CDH4: variants seen among roughly 807,000 people sequenced by gnomAD.
The protein encoded by CDH4 is cadherin 4.
A neutral mutation model predicts 86.0 loss-of-function variants in CDH4; 33 were observed. The observed-to-expected ratio is 0.38, with a 90% confidence interval of 0.29 to 0.51. CDH4 has a LOEUF of 0.51. Ranked by LOEUF, CDH4 falls within the 20% of genes least tolerant of loss-of-function variation. CDH4 has a pLI of 0.86. For missense variants in CDH4, 1,114 were observed against 1,307.4 expected, an observed-to-expected ratio of 0.85 and a Z score of 2.28; for synonymous variants, 555 against 549.4, an observed-to-expected ratio of 1.01 and a Z score of -0.14.
intron 4 of CDH4, among the ~76,000 whole-genome samples, chr20:61,802,658 C>T (rs997629427): frequency 6.6e-6 from 1 of 152,206 alleles, no homozygotes; most frequent in African/African-American, 2.4e-5. Flanking sequence ...TGCAGAATGG[C>T]TGCAAAGGAA....
At chr20:61,547,213 TTTTTTTTTTTG>T (rs1330043830) in intron 2 of CDH4, among the ~76,000 whole-genome samples, 5 of 91,106 alleles carry the variant, frequency 5.5e-5, no homozygotes, top group African/African-American at 1.6e-4. Context: ...TTTTTTTTTT[TTTTTTTTTTTG>T]CCCCCTGAGA....
At chr20:61,300,982 AC>A (rs1284531826) in intron 2 of CDH4, among the ~76,000 whole-genome samples, 2 of 152,050 alleles carry the variant, frequency 1.3e-5, no homozygotes, top group African/African-American at 4.8e-5. Flanking sequence ...CCACCTCCTC[AC>A]ATGAGCTGCT....
Position 61,517,972 on chromosome 20 carries a change from G to A in CDH4, c.170-225591G>A, listed in dbSNP as rs560701655. Among the ~76,000 whole-genome samples, 20 of 151,860 alleles carry A rather than the reference G, an allele frequency of 1.3e-4. No homozygotes were observed. The highest frequency in any genetic ancestry group is 6.3e-4 in the South Asian group (3 of 4,752). On this transcript the variant is annotated intron_variant, in intron 2 of 15. Coordinates refer to ENST00000614565, the MANE Select transcript of CDH4 (RefSeq NM_001794.5). This position sits in a 1 kb window ranked among gnomAD's most constrained non-coding sequence, Gnocchi z 6.6. ...CTGATTGCCCCTGGATGGGCCTCTC[G>A]TGTGGGGCTGGGGCAGGAGCTGCCT... is the stretch of plus-strand genomic sequence containing the variant.
intron 2 of CDH4, among the ~76,000 whole-genome samples, chr20:61,365,824 A>G (rs2084808463): frequency 6.6e-6 from 1 of 152,196 alleles, no homozygotes; most frequent in African/African-American, 2.4e-5. Flanking sequence ...AACAATCAAT[A>G]GGATTTGCAG....
intron 2 of CDH4, among the ~76,000 whole-genome samples, chr20:61,300,190 A>G (rs1372849091): frequency 1.3e-5 from 2 of 152,134 alleles, no homozygotes; most frequent in Non-Finnish European, 2.9e-5. Context: ...GGGGAGAGGC[A>G]GGTGTGCCAC....
intron 2 of CDH4, among the ~76,000 whole-genome samples, chr20:61,527,776 C>T (rs117646405): frequency 0.019 from 2,913 of 152,144 alleles, 49 homozygotes; most frequent in Middle Eastern, 0.031. Flanking sequence ...CTGGTTTCCT[C>T]CCCTTCCAGA....
In CDH4 at chr20:61,516,571, C is replaced by T. The variant is rs1299199982; in HGVS notation, c.170-226992C>T. ...GCCTCAGACCTGCCCCCCTGAGTCA[C>T]AGCATCACAGAAAACAGTTTACAAG... On this transcript the variant is annotated intron_variant, in intron 2 of 15. Coordinates refer to ENST00000614565, the MANE Select transcript of CDH4 (RefSeq NM_001794.5). This position sits in a 1 kb window ranked among gnomAD's most constrained non-coding sequence, Gnocchi z 4.0. Among the ~76,000 whole-genome samples the T allele has an allele frequency of 6.6e-6, 1 of 152,202 alleles. No individual in the cohort carries two copies. The highest frequency in any genetic ancestry group is 2.4e-5 in the African/African-American group (1 of 41,440).
intron 2 of CDH4, among the ~76,000 whole-genome samples, chr20:61,565,923 G>A (rs2086294168): frequency 6.6e-6 from 1 of 152,140 alleles, no homozygotes; most frequent in Non-Finnish European, 1.5e-5. Context: ...TGTCCTCATG[G>A]GGTTCTCCAG....
chr20:61,402,210 C>A (rs2085053354), intron 2 of CDH4, among the ~76,000 whole-genome samples: 1 of 152,174 alleles, frequency 6.6e-6, no homozygotes, highest in Non-Finnish European at 1.5e-5. Flanking sequence ...ATGCTCAAGT[C>A]CTTGATGTAA....
chr20:61,618,175 G>A (rs773433164), intron 2 of CDH4, among the ~76,000 whole-genome samples: 15 of 152,070 alleles, frequency 9.9e-5, no homozygotes, highest in East Asian at 3.9e-4. Flanking sequence ...GCCTCGGCTG[G>A]GTGGCTGAAG....
intron 7 of CDH4, among the ~76,000 whole-genome samples, chr20:61,883,830 A>G (rs1984408330): frequency 6.6e-6 from 1 of 152,196 alleles, no homozygotes; most frequent in Non-Finnish European, 1.5e-5. Context: ...ACCAGCAGTC[A>G]TTCCTGGCAG....
chr20:61,329,583 A>G (rs149145485), intron 2 of CDH4, among the ~76,000 whole-genome samples: 3,383 of 151,850 alleles, frequency 0.022, 57 homozygotes, highest in Middle Eastern at 0.034. Flanking sequence ...TTTCCAGCAT[A>G]GTTCCCCCTA....
intron 2 of CDH4, among the ~76,000 whole-genome samples, chr20:61,692,115 ATGTGTGTGTC>A (rs60560327): frequency 0.026 from 3,910 of 149,372 alleles, 151 homozygotes; most frequent in African/African-American, 0.089. Context: ...GTGTGTATGC[ATGTGTGTGTC>A]TGTGTGTGTC....
chr20:61,609,222 C>T (rs746524693), intron 2 of CDH4, among the ~76,000 whole-genome samples: 5 of 152,202 alleles, frequency 3.3e-5, no homozygotes, highest in Non-Finnish European at 7.3e-5. Flanking sequence ...GACGTGTTCC[C>T]GTTGCTTGTG....
chr20:61,329,480 G>GCTGCGGTGGATTGCGGCA (rs1568800111), intron 2 of CDH4, among the ~76,000 whole-genome samples: 4 of 140,724 alleles, frequency 2.8e-5, no homozygotes, highest in African/African-American at 7.8e-5. Context: ...GTGGCTGTGA[G>GCTGCGGTGGATTGCGGCA]TGGCTCTTCT....
At chr20:61,688,695 A>G (rs1026591885) in intron 2 of CDH4, among the ~76,000 whole-genome samples, 1 of 152,220 alleles carries the variant, frequency 6.6e-6, no homozygotes, top group Non-Finnish European at 1.5e-5. Flanking sequence ...CCGCTCAGAG[A>G]GCTTCCGCCA....
At chr20:61,795,977 G>A (rs1212763877) in intron 4 of CDH4, among the ~76,000 whole-genome samples, 3 of 152,154 alleles carry the variant, frequency 2.0e-5, no homozygotes, top group African/African-American at 7.2e-5. Context: ...GGTCAGATCT[G>A]TGCTTACCTT....
At chr20:61,581,046 CTG>C (rs1395478163) in intron 2 of CDH4, among the ~76,000 whole-genome samples, 1 of 152,354 alleles carries the variant, frequency 6.6e-6, no homozygotes, top group East Asian at 1.9e-4. Context: ...CAAAAGGAAA[CTG>C]GAGCCAGGGT....
At chr20:61,374,512 G>A (rs2084856322) in intron 2 of CDH4, among the ~76,000 whole-genome samples, 1 of 152,174 alleles carries the variant, frequency 6.6e-6, no homozygotes, top group African/African-American at 2.4e-5. Flanking sequence ...GTTATTTAAG[G>A]TACCTGGACA....
Sources: gnomAD v4.1 joint callset for allele counts (sites outside exome capture counted in the v4.1 genomes callset) on GRCh38, gnomAD v4.1.1 for gene constraint, Gnocchi (gnomAD v3.1) non-coding constraint, MANE v1.5 for transcripts, NCBI Gene and HGNC (gene_info 2026-07-23, HGNC 2026-07-21) for gene names.